The following MAN1A1 variants were observed in gnomAD, a reference collection of about 807,000 sequenced individuals.
The protein encoded by MAN1A1 is mannosidase alpha class 1A member 1.
A neutral mutation model predicts 70.8 loss-of-function variants in MAN1A1; 29 were observed. The observed-to-expected ratio is 0.41, with a 90% CI of 0.31 to 0.56. The LOEUF is 0.56. Ranked by LOEUF, MAN1A1 falls within the 20% of genes least tolerant of loss-of-function variation. The pLI, the probability that MAN1A1 is intolerant of heterozygous loss-of-function variation, is 0.29. For missense variants in MAN1A1, 747 were observed against 841.3 expected, an observed-to-expected ratio of 0.89 and a Z score of 1.39; for synonymous variants, 349 against 330.1, an observed-to-expected ratio of 1.06 and a Z score of -0.62.
intron 5 of MAN1A1, among the ~76,000 whole-genome samples, chr6:119,252,441 A>T (rs1001944068): frequency 6.6e-6 from 1 of 152,220 alleles, no homozygotes; most frequent in Admixed American, 6.5e-5. Context: ...ACAACCTACA[A>T]CATCAACAAC....
chr6:119,209,509 T>C (rs1477738353), intron 6 of MAN1A1, among the ~76,000 whole-genome samples: 1 of 152,188 alleles, frequency 6.6e-6, no homozygotes, highest in African/African-American at 2.4e-5. Context: ...GGTTCAGTCA[T>C]GTATGCAAAC....
Position 119,348,975 on chromosome 6 carries a change from AC to A in MAN1A1, c.90del (p.Ser31ArgfsTer8). The part of the protein sequence containing the change: ...GGLGGGGGRK[G>X]SGPAALRLTE... ...GTCAGGCGGAGGGCGGCGGGGCCCG[AC>A]CCCTTCCTGCCACCGCCGCCGCCGA... On this transcript the variant is annotated frameshift_variant, in exon 2 of 13. Coordinates refer to ENST00000368468, the MANE Select transcript of MAN1A1 (RefSeq NM_005907.4). LOFTEE classifies it high-confidence loss of function. 1 of 1,489,888 alleles carries A rather than the reference AC, an allele frequency of 6.7e-7. No individual in the cohort carries two copies. The highest frequency in any genetic ancestry group is 1.3e-5 in the South Asian group (1 of 75,116). 92.3% of individuals were successfully genotyped at this position (1,489,888 alleles called of 1,614,324 possible).
At chr6:119,233,971 G>C (rs1158067706) in intron 6 of MAN1A1, among the ~76,000 whole-genome samples, 1 of 152,186 alleles carries the variant, frequency 6.6e-6, no homozygotes, top group African/African-American at 2.4e-5. Flanking sequence ...GCACCAAACA[G>C]ATTTTTGGAT....
intron 8 of MAN1A1, among the ~76,000 whole-genome samples, chr6:119,198,065 G>C (rs897572832): frequency 6.6e-6 from 1 of 152,190 alleles, no homozygotes; most frequent in Non-Finnish European, 1.5e-5. Flanking sequence ...TGTGCTTTTA[G>C]AGAATCACAT....
At chr6:119,241,762 G>A (rs978072722) in intron 6 of MAN1A1, among the ~76,000 whole-genome samples, 5 of 152,126 alleles carry the variant, frequency 3.3e-5, no homozygotes, top group African/African-American at 1.2e-4. Context: ...GCATATAAAT[G>A]CTGGATTTAA....
chr6:119,213,949 A>T (rs962589501), intron 6 of MAN1A1, among the ~76,000 whole-genome samples: 8 of 152,164 alleles, frequency 5.3e-5, no homozygotes, highest in African/African-American at 1.9e-4. Flanking sequence ...ATATATTGCA[A>T]ATGTAATGAA....
At chr6:119,313,721 CT>C (rs1772773360) in intron 2 of MAN1A1, among the ~76,000 whole-genome samples, 1 of 151,852 alleles carries the variant, frequency 6.6e-6, no homozygotes, top group Non-Finnish European at 1.5e-5. Flanking sequence ...TATATTTCAT[CT>C]GGCAACCCTA....
chr6:119,214,257 C>T (rs939804266), intron 6 of MAN1A1, among the ~76,000 whole-genome samples: 1 of 152,088 alleles, frequency 6.6e-6, no homozygotes, highest in Non-Finnish European at 1.5e-5. Context: ...AGCCACTGTG[C>T]CCAGCCCTAA....
rs527357159 is a variant in MAN1A1, at chr6:119,283,313, A to T, written c.897+7370T>A. On this transcript the variant is annotated intron_variant, in intron 5 of 12. Coordinates refer to ENST00000368468, the MANE Select transcript of MAN1A1 (RefSeq NM_005907.4). ...TTTTCTGTTGCAGTTTTAAAAAGTAAAGGTCTCAGAAAACCTGTTGAAGAG... is the reference window on the plus strand; with the variant it reads ...TTTTCTGTTGCAGTTTTAAAAAGTATAGGTCTCAGAAAACCTGTTGAAGAG... Among the ~76,000 whole-genome samples the T allele has an allele frequency of 3.3e-5, 5 of 152,356 alleles. No homozygotes were observed. The South Asian group carries it at 1.0e-3, about 32-fold the overall frequency.
At chr6:119,181,012 C>T (rs890167608) in intron 11 of MAN1A1, among the ~76,000 whole-genome samples, 2 of 152,146 alleles carry the variant, frequency 1.3e-5, no homozygotes, top group African/African-American at 4.8e-5. Context: ...ACCAATTCCC[C>T]CTATGGTCTG....
chr6:119,311,796 C>T (rs186314713), intron 2 of MAN1A1, among the ~76,000 whole-genome samples: 1 of 152,228 alleles, frequency 6.6e-6, no homozygotes, highest in Admixed American at 6.5e-5. Flanking sequence ...CCTTGAAGGG[C>T]AGTAGCAGCT....
In MAN1A1 at chr6:119,348,834, G is replaced by T; in HGVS notation, c.232C>A (p.Pro78Thr). ...TGGTCGGCGGCCGGCTGCAAGGCGG[G>T]GCTGGAGTGGAACAGGACCCCGCTG... The part of the protein sequence containing the change: ...LLSGVLFHSS[P>T]ALQPAADHKP... The change falls in exon 2 of 13, where the codon CCC becomes ACC. Residue 78 changes from proline (P) to threonine (T), a missense_variant. Around this residue, in one of 2 missense-constraint regions of MAN1A1, gnomAD observed 328 missense variants for 293.1 expected, o/e 1.12. Transcript: ENST00000368468. The T allele has an allele frequency of 6.7e-7, 1 of 1,493,088 alleles. No homozygotes were observed. The highest frequency in any genetic ancestry group is 8.9e-7 in the Non-Finnish European group (1 of 1,120,504). The allele number at this position is 1,493,088 out of a possible 1,614,324, so 92.5% of individuals were successfully genotyped here.
chr6:119,347,571 T>C (rs1318458228), intron 2 of MAN1A1, among the ~76,000 whole-genome samples: 9 of 151,948 alleles, frequency 5.9e-5, no homozygotes, highest in Admixed American at 5.9e-4. Context: ...TGGTGACAGG[T>C]GACTGGGGGA....
chr6:119,209,180 T>C (rs1219026385), intron 6 of MAN1A1, among the ~76,000 whole-genome samples: 1 of 149,750 alleles, frequency 6.7e-6, no homozygotes, highest in Non-Finnish European at 1.5e-5. Context: ...CCTATTATCA[T>C]CAAATGTACC....
chr6:119,188,325 A>G (rs530691999), intron 11 of MAN1A1, 80 bp downstream of exon 11: 1 of 1,317,040 alleles, frequency 7.6e-7, no homozygotes, highest in East Asian at 2.3e-5. Context: ...AGAAAAGTTG[A>G]TAAGCCTGAT....
chr6:119,274,588 T>C (rs1035110497), intron 5 of MAN1A1, among the ~76,000 whole-genome samples: 3 of 152,212 alleles, frequency 2.0e-5, no homozygotes, highest in Non-Finnish European at 2.9e-5. Context: ...ATCGTGAACA[T>C]CTACCTCATT....
rs960724334 is a variant in MAN1A1 at position 119,297,861 on chromosome 6, G to A, written c.816+4127C>T. Among the ~76,000 whole-genome samples the A allele has an allele frequency of 7.3e-5, 11 of 150,178 alleles. No homozygotes were observed. The Middle Eastern group carries it at 0.01, about 140-fold the overall frequency. Reference sequence around the variant, plus strand: ...GGGAGGGTTTTACTCTGTTGCCCAGGCTGCTCTTGAACTTCTGGGTTCAAG... The same window carrying A: ...GGGAGGGTTTTACTCTGTTGCCCAGACTGCTCTTGAACTTCTGGGTTCAAG... On this transcript the variant is annotated intron_variant, in intron 4 of 12. Coordinates refer to ENST00000368468, the MANE Select transcript of MAN1A1 (RefSeq NM_005907.4).
In MAN1A1 at chr6:119,270,182, C is replaced by T. The variant is rs1465786550; in HGVS notation, c.897+20501G>A. Reference sequence around the variant, plus strand: ...CAATTTCAGTCTCTTCTCCAAGAAGCCCTGGTTAGTGGAAAATATTAATTC... The same window carrying T: ...CAATTTCAGTCTCTTCTCCAAGAAGTCCTGGTTAGTGGAAAATATTAATTC... On this transcript the variant is annotated intron_variant, in intron 5 of 12. Transcript: ENST00000368468. 2.6e-5 allele frequency among the ~76,000 whole-genome samples: 4 copies of T among 152,154 alleles called. No homozygotes were observed. In the East Asian group the frequency reaches 7.7e-4, roughly 29 times the overall value.
intron 2 of MAN1A1, among the ~76,000 whole-genome samples, chr6:119,342,919 T>G (rs1320476469): frequency 6.6e-6 from 1 of 152,146 alleles, no homozygotes; most frequent in Non-Finnish European, 1.5e-5. Context: ...TTCTCTCCCT[T>G]CCTTCTTCTT....
Sources: allele counts gnomAD v4.1 joint callset (sites outside exome capture counted in the v4.1 genomes callset), GRCh38; gene constraint gnomAD v4.1.1; regional missense constraint gnomAD v4.1.1; transcripts MANE v1.5; gene names NCBI Gene and HGNC (gene_info 2026-07-23, HGNC 2026-07-21).